PTPRN2: variants seen among roughly 807,000 people sequenced by gnomAD.
PTPRN2 encodes the protein protein tyrosine phosphatase receptor type N2, also known as receptor-type tyrosine-protein phosphatase N2.
In PTPRN2, 74 loss-of-function variants were observed where a neutral mutation model predicts 118.8. The observed-to-expected ratio is 0.62, with a 90% CI of 0.52 to 0.76. PTPRN2 has a LOEUF of 0.76. Ranked by LOEUF, PTPRN2 falls within the 30% of genes least tolerant of loss-of-function variation. The probability of loss-of-function intolerance (pLI) is 0.00; values close to 1 mark genes in which losing one functional copy is unlikely to be tolerated. For missense variants in PTPRN2, 1,481 were observed against 1,394.4 expected, an observed-to-expected ratio of 1.06 and a Z score of -0.99; for synonymous variants, 641 against 608.0, an observed-to-expected ratio of 1.05 and a Z score of -0.80.
chr7:158,455,983 C>T (rs13243601), intron 2 of PTPRN2, among the ~76,000 whole-genome samples: 1,845 of 127,108 alleles, frequency 0.015, 18 homozygotes, highest in African/African-American at 0.018. Context: ...CCATCGGCCA[C>T]GGCCACCCAT....
At chr7:157,956,274 C>T (rs1297553008) in intron 11 of PTPRN2, among the ~76,000 whole-genome samples, 2 of 152,126 alleles carry the variant, frequency 1.3e-5, no homozygotes, top group Admixed American at 1.3e-4. Context: ...AGACGTGGAG[C>T]ACATCTGGAG....
chr7:158,037,432 C>CAT (rs1808163924), intron 11 of PTPRN2, among the ~76,000 whole-genome samples: 1 of 152,242 alleles, frequency 6.6e-6, no homozygotes, highest in South Asian at 2.1e-4. Context: ...ACCTGCACGG[C>CAT]ATATCACTGT....
chr7:157,846,937 C>G (rs1808862471), intron 12 of PTPRN2, among the ~76,000 whole-genome samples: 1 of 150,602 alleles, frequency 6.6e-6, no homozygotes, highest in Non-Finnish European at 1.5e-5. Flanking sequence ...AGAGCCCTCT[C>G]TCACTCCTTC....
At chr7:158,576,220 G>A (rs1448830491) in intron 1 of PTPRN2, among the ~76,000 whole-genome samples, 1 of 152,152 alleles carries the variant, frequency 6.6e-6, no homozygotes, top group Non-Finnish European at 1.5e-5. Context: ...CTCACAGCCA[G>A]GCACTGCCAG....
At chr7:157,882,572 T>TGA (rs1796200823) in intron 12 of PTPRN2, among the ~76,000 whole-genome samples, 1 of 99,538 alleles carries the variant, frequency 1.0e-5, no homozygotes, top group African/African-American at 4.0e-5. Flanking sequence ...ACAGAACACC[T>TGA]CACCCCAAAA....
chr7:158,411,951 C>A (rs111796941), intron 2 of PTPRN2, among the ~76,000 whole-genome samples: 1 of 151,588 alleles, frequency 6.6e-6, no homozygotes, highest in African/African-American at 2.4e-5. Context: ...CAGGGCCCAT[C>A]GCAGCACCCT....
In PTPRN2 at chr7:158,371,028, G is replaced by A. The variant is rs138634581; in HGVS notation, c.164-54096C>T. On this transcript the variant is annotated intron_variant, in intron 2 of 22. Coordinates refer to ENST00000389418, the MANE Select transcript of PTPRN2 (RefSeq NM_002847.5). ...AAGAAAAAAAGTAAAAAATGTAGCAGCAATTGTCATTTGGGAAATATGAGA... is the reference window on the plus strand; with the variant it reads ...AAGAAAAAAAGTAAAAAATGTAGCAACAATTGTCATTTGGGAAATATGAGA... Among the ~76,000 whole-genome samples the A allele has an allele frequency of 3.6e-3, 549 of 152,258 alleles. 4 individuals are homozygous for A. The highest frequency in any genetic ancestry group is 0.013 in the African/African-American group (532 of 41,552).
chr7:157,879,594 T>C (rs1796000991), intron 12 of PTPRN2, among the ~76,000 whole-genome samples: 1 of 152,170 alleles, frequency 6.6e-6, no homozygotes, highest in Non-Finnish European at 1.5e-5. Context: ...TCATATTTTT[T>C]TTTTCCTTTA....
rs1800626804 is a variant in PTPRN2, at chr7:157,585,503, C to CG, written c.2497-7364dup. On this transcript the variant is annotated intron_variant, in intron 17 of 22. Coordinates refer to ENST00000389418, the MANE Select transcript of PTPRN2 (RefSeq NM_002847.5). The surrounding 1 kb of genome is among the most constrained non-coding windows in gnomAD (Gnocchi z 5.2). Reference sequence around the variant, plus strand: ...TCACACACTGGACTTCCTCTCCACCCGGCCTTTGTGTGACCACCGTGGGTG... The same window carrying CG: ...TCACACACTGGACTTCCTCTCCACCCGGGCCTTTGTGTGACCACCGTGGGTG... 6.6e-6 allele frequency among the ~76,000 whole-genome samples: 1 copy of CG among 152,158 alleles called. No individual in the cohort carries two copies. The highest frequency in any genetic ancestry group is 6.5e-5 in the Admixed American group (1 of 15,276).
intron 3 of PTPRN2, among the ~76,000 whole-genome samples, chr7:158,314,560 A>C (rs1802131704): frequency 2.0e-5 from 3 of 152,266 alleles, no homozygotes; most frequent in Non-Finnish European, 4.4e-5. Context: ...CATATGGAGC[A>C]GGAGCTGGGC....
Position 157,629,985 on chromosome 7 carries a change from T to G in PTPRN2, c.2197-8476A>C, listed in dbSNP as rs1210002910. ...CTTGGGGAAATGATGACCTTTTCTTTCTTTAAAAATAAACACAGTCACCTG... is the reference window on the plus strand; with the variant it reads ...CTTGGGGAAATGATGACCTTTTCTTGCTTTAAAAATAAACACAGTCACCTG... On this transcript the variant is annotated intron_variant, in intron 14 of 22. Coordinates refer to ENST00000389418, the MANE Select transcript of PTPRN2 (RefSeq NM_002847.5). This position sits in a 1 kb window ranked among gnomAD's most constrained non-coding sequence, Gnocchi z 4.4. 6.6e-6 allele frequency among the ~76,000 whole-genome samples: 1 copy of G among 152,230 alleles called. No individual in the cohort carries two copies. Among genetic ancestry groups the G allele is most frequent in the Non-Finnish European group, 1.5e-5 (1 of 68,036 alleles).
At chr7:158,262,845 C>T (rs1797576457) in intron 3 of PTPRN2, among the ~76,000 whole-genome samples, 2 of 145,254 alleles carry the variant, frequency 1.4e-5, no homozygotes, top group Non-Finnish European at 3.0e-5. Flanking sequence ...ACTACACACA[C>T]ATACATACAT....
intron 12 of PTPRN2, among the ~76,000 whole-genome samples, chr7:157,841,660 G>A (rs1808431514): frequency 6.6e-6 from 1 of 152,224 alleles, no homozygotes; most frequent in South Asian, 2.1e-4. Context: ...CGGACTCTGA[G>A]GCTCATGCAT....
intron 12 of PTPRN2, among the ~76,000 whole-genome samples, chr7:157,768,992 C>T (rs766783307): frequency 1.4e-4 from 21 of 152,190 alleles, no homozygotes; most frequent in Non-Finnish European, 2.1e-4. Flanking sequence ...TGTGTGCTGA[C>T]GCTGGCATCA....
chr7:157,792,644 G>A (rs186897688), intron 12 of PTPRN2, among the ~76,000 whole-genome samples: 40 of 152,298 alleles, frequency 2.6e-4, no homozygotes, highest in Admixed American at 2.3e-3. Flanking sequence ...CCTTGTAAGC[G>A]AATGAGGAAA....
At chr7:158,303,204 A>G (rs1801023687) in intron 3 of PTPRN2, among the ~76,000 whole-genome samples, 2 of 151,792 alleles carry the variant, frequency 1.3e-5, no homozygotes, top group South Asian at 4.1e-4. Flanking sequence ...AGTCTTCAGT[A>G]ATTTTCAATA....
In PTPRN2 at chr7:158,576,302, C is replaced by G. The variant is rs1026681413; in HGVS notation, c.112+11256G>C. Among the ~76,000 whole-genome samples, 3 of 152,236 alleles carry G rather than the reference C, an allele frequency of 2.0e-5. No individual in the cohort carries two copies. The East Asian group carries it at 5.8e-4, about 29-fold the overall frequency. On this transcript the variant is annotated intron_variant, in intron 1 of 22. Coordinates refer to ENST00000389418, the MANE Select transcript of PTPRN2 (RefSeq NM_002847.5). Reference sequence around the variant, plus strand: ...CCGTTTTCAGACCACACTCGTTTTGCAAGAACGAACATCTCTGTAAAGTTC... The same window carrying G: ...CCGTTTTCAGACCACACTCGTTTTGGAAGAACGAACATCTCTGTAAAGTTC...
intron 3 of PTPRN2, among the ~76,000 whole-genome samples, chr7:158,311,875 C>A (rs1039565251): frequency 9.1e-5 from 11 of 120,922 alleles, no homozygotes; most frequent in Admixed American, 1.6e-4. Flanking sequence ...GTGTAGACAC[C>A]CACACACCTG....
chr7:157,584,824 T>C (rs1295951069), intron 17 of PTPRN2, among the ~76,000 whole-genome samples: 4 of 152,216 alleles, frequency 2.6e-5, no homozygotes, highest in Admixed American at 2.6e-4. Context: ...AGAAATAGTG[T>C]GTGTGACATC....
Sources: gnomAD v4.1 joint callset for allele counts (sites outside exome capture counted in the v4.1 genomes callset) on GRCh38, gnomAD v4.1.1 for gene constraint, Gnocchi (gnomAD v3.1) non-coding constraint, MANE v1.5 for transcripts, NCBI Gene and HGNC (gene_info 2026-07-23, HGNC 2026-07-21) for gene names.